ATP6V1A: variants seen among roughly 807,000 people sequenced by gnomAD.
ATP6V1A encodes the protein ATPase H+ transporting V1 subunit A.
ATP6V1A carries 18 observed loss-of-function variants against 70.1 expected under a neutral mutation model. The observed-to-expected ratio is 0.26, with a 90% CI of 0.18 to 0.38. ATP6V1A has a LOEUF of 0.38. Ranked by LOEUF, ATP6V1A falls within the 10% of genes least tolerant of loss-of-function variation. The pLI is 1.00. For synonymous variants in ATP6V1A, 232 were observed against 253.8 expected, an observed-to-expected ratio of 0.91 and a Z score of 0.82; for missense variants, 424 against 772.4, an observed-to-expected ratio of 0.55 and a Z score of 5.35.
chr3:113,784,100 C>T (rs1348304573), intron 3 of ATP6V1A, 124 bp from the exon 4 acceptor site: 2 of 844,524 alleles, frequency 2.4e-6, no homozygotes, highest in Non-Finnish European at 3.7e-6. Flanking sequence ...ATCCTGTGAA[C>T]TGAGAAAGTT....
intron 2 of ATP6V1A, chr3:113,779,151 T>C (rs1708952548): frequency 5.4e-6 from 1 of 185,240 alleles, no homozygotes; most frequent in Non-Finnish European, 1.1e-5. Flanking sequence ...AACTATGAAG[T>C]TTATAGCTTT....
chr3:113,794,656 TG>T (rs1223008759), intron 8 of ATP6V1A, among the ~76,000 whole-genome samples: 13 of 152,070 alleles, frequency 8.5e-5, no homozygotes, highest in African/African-American at 2.4e-4. Flanking sequence ...ACTTGAGTTT[TG>T]TTAGCCAGAG....
At chr3:113,780,650 A>G (rs1306422612) in intron 2 of ATP6V1A, 23 of 820,254 alleles carry the variant, frequency 2.8e-5, no homozygotes, top group Non-Finnish European at 3.4e-5. Context: ...CGAAGTGATA[A>G]TTGTGTGGCA....
chr3:113,792,190 G>A (rs761743652), intron 8 of ATP6V1A, among the ~76,000 whole-genome samples: 17 of 152,248 alleles, frequency 1.1e-4, no homozygotes, highest in Middle Eastern at 3.4e-3. Context: ...GTATCCCTTT[G>A]TATGGATATA....
At chr3:113,754,396 G>A (rs1708624280) in intron 1 of ATP6V1A, among the ~76,000 whole-genome samples, 1 of 152,034 alleles carries the variant, frequency 6.6e-6, no homozygotes, top group African/African-American at 2.4e-5. Context: ...ATTTGGGCAC[G>A]ATGGCATGCA....
intron 1 of ATP6V1A, among the ~76,000 whole-genome samples, chr3:113,776,095 A>G (rs1708909032): frequency 6.6e-6 from 1 of 152,150 alleles, no homozygotes; most frequent in African/African-American, 2.4e-5. Context: ...GCGGTGGCTC[A>G]TGTCTGTAAT....
At chr3:113,774,587 G>T (rs1259415419) in intron 1 of ATP6V1A, among the ~76,000 whole-genome samples, 1 of 152,174 alleles carries the variant, frequency 6.6e-6, no homozygotes, top group South Asian at 2.1e-4. Flanking sequence ...TTACAGGTGG[G>T]CAGATCACTT....
intron 1 of ATP6V1A, among the ~76,000 whole-genome samples, chr3:113,778,490 T>TA (rs762778182): frequency 5.3e-5 from 8 of 152,150 alleles, no homozygotes; most frequent in Non-Finnish European, 8.8e-5. Flanking sequence ...GGAGGATCGC[T>TA]AGAGTCCAGG....
chr3:113,800,733 A>G (rs991480241), intron 12 of ATP6V1A, among the ~76,000 whole-genome samples: 5 of 152,188 alleles, frequency 3.3e-5, no homozygotes, highest in Admixed American at 6.6e-5. Context: ...ACCCCTTAAC[A>G]TTAGCCTTAA....
At chr3:113,788,920 A>T (rs768267678) in intron 7 of ATP6V1A, 45 bp downstream of exon 7, 2 of 1,533,172 alleles carry the variant, frequency 1.3e-6, no homozygotes, top group South Asian at 2.3e-5. Flanking sequence ...AATACCACTC[A>T]TCAGTGTTCA....
intron 3 of ATP6V1A, among the ~76,000 whole-genome samples, chr3:113,782,974 T>C (rs1401872120): frequency 1.3e-5 from 2 of 152,146 alleles, no homozygotes; most frequent in African/African-American, 4.8e-5. Flanking sequence ...GTGATAAATA[T>C]AGTAAAATGT....
intron 1 of ATP6V1A, among the ~76,000 whole-genome samples, chr3:113,748,969 G>A (rs1203872030): frequency 6.6e-6 from 1 of 152,092 alleles, no homozygotes; most frequent in Non-Finnish European, 1.5e-5. Context: ...AGGTGACATT[G>A]CACCACGTAA....
At chr3:113,805,324 G>A (rs1357335968) in intron 13 of ATP6V1A, 30 bp from the exon 14 acceptor site, 2 of 1,603,178 alleles carry the variant, frequency 1.2e-6, no homozygotes, top group Non-Finnish European at 1.7e-6. Context: ...GTTTATTTTT[G>A]TTAATTTTTT....
chr3:113,777,870 C>T (rs1354337218), intron 1 of ATP6V1A, among the ~76,000 whole-genome samples: 1 of 152,114 alleles, frequency 6.6e-6, no homozygotes, highest in Non-Finnish European at 1.5e-5. Context: ...TGAGAGCTGA[C>T]AAAGAGTTCA....
chr3:113,785,493 CT>C (rs1482812809), intron 5 of ATP6V1A, among the ~76,000 whole-genome samples: 5 of 142,150 alleles, frequency 3.5e-5, no homozygotes, highest in African/African-American at 7.7e-5. Context: ...TTTGAATTCT[CT>C]TTTTTTCTTT....
rs1015963493 is a variant in ATP6V1A, at chr3:113,783,802, C to T, written c.212-422C>T. On this transcript the variant is annotated intron_variant, in intron 3 of 14. Coordinates refer to ENST00000273398, the MANE Select transcript of ATP6V1A (RefSeq NM_001690.4). ...TTTGGCAGTTGCTAAGCTACAAAAG[C>T]AGGTATCATGTGACAATCAAAATGG... Among the ~76,000 whole-genome samples the T allele has an allele frequency of 1.3e-4, 20 of 152,196 alleles. 1 individual carries two copies. Among genetic ancestry groups the T allele is most frequent in the South Asian group, 4.1e-4 (2 of 4,830 alleles).
chr3:113,774,834 A>T (rs1708889840), intron 1 of ATP6V1A, among the ~76,000 whole-genome samples: 1 of 152,044 alleles, frequency 6.6e-6, no homozygotes, highest in African/African-American at 2.4e-5. Flanking sequence ...AAAAGAAAAA[A>T]AAAAAGCAGC....
chr3:113,773,657 T>G (rs1279084799), intron 1 of ATP6V1A, among the ~76,000 whole-genome samples: 1 of 152,216 alleles, frequency 6.6e-6, no homozygotes, highest in South Asian at 2.1e-4. Flanking sequence ...GACATCATTA[T>G]TCCCTCATAA....
rs146460277 is a variant in ATP6V1A, at chr3:113,766,477, T to C, written c.-13-12264T>C. On this transcript the variant is annotated intron_variant, in intron 1 of 14. Coordinates refer to ENST00000273398, the MANE Select transcript of ATP6V1A (RefSeq NM_001690.4). ...GCCCAGCTAATTTTTTAATTTTTTG[T>C]AGGGACAAGGTCTCACTATGTTACC... is the stretch of plus-strand genomic sequence containing the variant. Among the ~76,000 whole-genome samples, 895 of 152,276 alleles carry C rather than the reference T, an allele frequency of 5.9e-3. 13 individuals are homozygous for C. The highest frequency in any genetic ancestry group is 0.021 in the African/African-American group (853 of 41,556).
Sources: gnomAD v4.1 joint callset for allele counts (sites outside exome capture counted in the v4.1 genomes callset) on GRCh38, gnomAD v4.1.1 for gene constraint, MANE v1.5 for transcripts, NCBI Gene and HGNC (gene_info 2026-07-23, HGNC 2026-07-21) for gene names.